The following LPIN3 variants were observed in gnomAD, a reference collection of about 807,000 sequenced individuals.
LPIN3 encodes lipin 3, also known as phosphatidate phosphatase LPIN3.
A neutral mutation model predicts 94.7 loss-of-function variants in LPIN3; 82 were observed. The observed-to-expected ratio is 0.87, with a 90% CI of 0.72 to 1.04. LPIN3 has a LOEUF of 1.04. LPIN3 is among the 50% of genes least tolerant of loss of function. The pLI, the probability that LPIN3 is intolerant of heterozygous loss-of-function variation, is 0.00. For synonymous variants in LPIN3, 418 were observed against 443.3 expected, an observed-to-expected ratio of 0.94 and a Z score of 0.72; for missense variants, 996 against 1,090.5, an observed-to-expected ratio of 0.91 and a Z score of 1.22.
At chr20:41,357,316 G>A in intron 15 of LPIN3, 45 bp from the exon 16 acceptor site, 1 of 1,605,972 alleles carries the variant, frequency 6.2e-7, no homozygotes. Context: ...CTGGAGCTGG[G>A]CCACGTGGAG....
rs1341571507 is a variant in LPIN3 at position 41,352,834 on chromosome 20, C to T, written c.1494C>T (p.Leu498=). ...GGGCTGTGGCTGCCCCCATGATCCT[C>T]TCCCTGCAAGCCTTCCAGAAAAACT... The part of the protein sequence containing the change: ...YNWAVAAPMI[L]SLQAFQKNLP... The change falls in exon 11 of 20, where the codon CTC becomes CTT. Residue 498 remains leucine, a synonymous_variant. Transcript: ENST00000373257. 1.2e-6 allele frequency: 2 copies of T among 1,614,246 alleles called. No individual in the cohort carries two copies. The highest frequency in any genetic ancestry group is 1.7e-6 in the Non-Finnish European group (2 of 1,180,048).
chr20:41,345,975 C>T lies in LPIN3; in HGVS notation c.172C>T (p.Leu58=), dbSNP rs1568990740. The change falls in exon 2 of 20, where the codon CTG becomes TTG. Residue 58 remains leucine (L), a synonymous_variant. Transcript: ENST00000373257. The part of the protein sequence containing the change: ...FHVRFGKLGV[L]RSREKVVDIE... ...CGTGCGTTTTGGCAAGCTGGGCGTC[C>T]TGCGGTCGCGGGAGAAGGTGGTGAG... is the stretch of plus-strand genomic sequence containing the variant. The T allele has an allele frequency of 6.2e-7, 1 of 1,613,776 alleles. No homozygotes were observed.
At chr20:41,349,271 T>A (rs2045910487) in intron 5 of LPIN3, 99 bp downstream of exon 5, 1 of 992,950 alleles carries the variant, frequency 1.0e-6, no homozygotes. Flanking sequence ...ACCCATTTAA[T>A]GTGTTTACTA....
intron 7 of LPIN3, among the ~76,000 whole-genome samples, chr20:41,350,966 G>A (rs1156668775): frequency 2.6e-5 from 4 of 152,046 alleles, no homozygotes; most frequent in Non-Finnish European, 4.4e-5. Flanking sequence ...TCAAATTAGG[G>A]ACAGCATGGT....
rs1375376129 is a variant in LPIN3, at chr20:41,359,321, A to AGAT, written c.*457_*459dup. On this transcript the variant is annotated 3_prime_UTR_variant, in exon 20 of 20. Transcript: ENST00000373257. ...TGGCTAATTTTCGTGTTTTTAGTAG[A>AGAT]GATGGGTTTTCACCACATTGGCCAG... 6.6e-6 allele frequency: 1 copy of AGAT among 151,900 alleles called. No individual in the cohort carries two copies. The highest frequency in any genetic ancestry group is 1.5e-5 in the Non-Finnish European group (1 of 68,200). 9.4% of individuals were successfully genotyped at this position (151,900 alleles called of 1,614,324 possible).
At position 41,350,383 on chromosome 20, in the gene LPIN3, T is replaced by C; in HGVS notation, c.1088T>C (p.Val363Ala). Residue 363 changes from valine (V) to alanine (A), a missense_variant, in exon 7 of 20, where the codon GTC becomes GCC. Val to Ala is a moderately conservative substitution (Grantham distance 64, BLOSUM62 0). Transcript: ENST00000373257. ...GTTCCCACCGGGCAGCCAGAGAGGG[T>C]CTCCAGGGGGAAAGGTGAGTGACGC... ...VPVPTGQPERVSRGKGSPKRS... is the reference protein window; with the variant it reads ...VPVPTGQPERASRGKGSPKRS... The C allele has an allele frequency of 6.4e-7, 1 of 1,569,142 alleles. No individual in the cohort carries two copies. Among genetic ancestry groups the C allele is most frequent in the Non-Finnish European group, 8.7e-7 (1 of 1,152,726 alleles).
rs2046286469 is a variant in LPIN3 at position 41,358,268 on chromosome 20, A to G, written c.2224A>G (p.Lys742Glu). 1.9e-6 allele frequency: 3 copies of G among 1,613,948 alleles called. No homozygotes were observed. In the South Asian group the frequency reaches 3.3e-5, roughly 18 times the overall value. ...GATCGAGAAGAAACCAGAGGTGTTC[A>G]AGGTCGCCTGCCTGAGTGACATCCA... ...EVIEKKPEVFKVACLSDIQQL... is the reference protein window; with the variant it reads ...EVIEKKPEVFEVACLSDIQQL... Residue 742 changes from lysine to glutamate, a missense_variant, in exon 18 of 20, where the codon AAG becomes GAG. Physicochemically the swap from Lys to Glu is moderately conservative, Grantham distance 56 (BLOSUM62 1). Transcript: ENST00000373257.
chr20:41,345,675 C>T (rs955810310), intron 1 of LPIN3, 121 bp from the exon 2 acceptor site: 4 of 1,043,118 alleles, frequency 3.8e-6, no homozygotes, highest in African/African-American at 3.2e-5. Context: ...GCCATCTGTG[C>T]AAAGGCACTC....
At chr20:41,353,950 G>A (rs1290470420) in intron 11 of LPIN3, among the ~76,000 whole-genome samples, 2 of 152,102 alleles carry the variant, frequency 1.3e-5, no homozygotes, top group African/African-American at 4.8e-5. Context: ...ACCGCTTGAG[G>A]CCCCTGAGAG....
At chr20:41,347,779 G>A in intron 3 of LPIN3, 132 bp downstream of exon 3, 1 of 740,382 alleles carries the variant, frequency 1.4e-6, no homozygotes, top group Non-Finnish European at 2.2e-6. Context: ...CTGAGGCAGG[G>A]GTATCAGTTG....
At chr20:41,351,694 C>T (rs2046020051) in intron 7 of LPIN3, 127 bp from the exon 8 acceptor site, 1 of 740,088 alleles carries the variant, frequency 1.4e-6, no homozygotes, top group African/African-American at 1.8e-5. Context: ...AGACATGGGA[C>T]ATTTGTATCA....
intron 5 of LPIN3, 92 bp downstream of exon 5, chr20:41,349,264 C>T (rs2045910149): frequency 3.2e-5 from 35 of 1,078,276 alleles, no homozygotes; most frequent in Non-Finnish European, 4.6e-5. Flanking sequence ...ACACAGGACC[C>T]ATTTAATGTG....
chr20:41,356,076 G>A (rs1255166122), intron 14 of LPIN3, 42 bp downstream of exon 14: 2 of 1,603,116 alleles, frequency 1.2e-6, no homozygotes, highest in South Asian at 1.1e-5. Flanking sequence ...GAGGGGCTGA[G>A]CTAATTCTGT....
Position 41,354,849 on chromosome 20 carries a change from C to A in LPIN3, c.1650C>A (p.Ala550=). The change falls in exon 13 of 20, where the codon GCC becomes GCA. Residue 550 remains alanine (A), a synonymous_variant. Transcript: ENST00000373257. The stretch of plus-strand genomic sequence containing the variant: ...GTGCCCAGAAGGAGAAGACTGCAGC[C>A]AAGGAGCAGCAGGGGTGAGTGAGAC... ...ERSAQKEKTA[A]KEQQGEKTEV... 1 of 1,571,952 alleles carries A rather than the reference C, an allele frequency of 6.4e-7. No individual in the cohort carries two copies. The highest frequency in any genetic ancestry group is 8.6e-7 in the Non-Finnish European group (1 of 1,158,274).
intron 6 of LPIN3, 77 bp from the exon 7 acceptor site, chr20:41,349,978 C>G: frequency 6.4e-7 from 1 of 1,558,962 alleles, no homozygotes; most frequent in East Asian, 2.3e-5. Flanking sequence ...GACTGAAACT[C>G]GGGCCACTGC....
At chr20:41,358,670 G>T in intron 19 of LPIN3, 52 bp from the exon 20 acceptor site, 1 of 1,607,524 alleles carries the variant, frequency 6.2e-7, no homozygotes, top group South Asian at 1.1e-5. Context: ...CATGGCCAAG[G>T]CCATCGTTTG....
In LPIN3 at chr20:41,350,924, A is replaced by G. The variant is rs879500485; in HGVS notation, c.1102+527A>G. Among the ~76,000 whole-genome samples the G allele has an allele frequency of 2.0e-5, 3 of 152,210 alleles. No homozygotes were observed. In the East Asian group the frequency reaches 5.8e-4, roughly 29 times the overall value. On this transcript the variant is annotated intron_variant, in intron 7 of 19. Transcript: ENST00000373257. ...GCACGAGACCTGTGCTGTCCAAATCAGTAGCCACTGGCTATATGTGGCTAT... is the reference window on the plus strand; with the variant it reads ...GCACGAGACCTGTGCTGTCCAAATCGGTAGCCACTGGCTATATGTGGCTAT...
chr20:41,351,550 C>T (rs981374120), intron 7 of LPIN3, among the ~76,000 whole-genome samples: 8 of 152,120 alleles, frequency 5.3e-5, no homozygotes, highest in Non-Finnish European at 1.2e-4. Flanking sequence ...CCGCCTCAGC[C>T]TCCCAAAGTG....
intron 3 of LPIN3, among the ~76,000 whole-genome samples, chr20:41,348,161 A>G (rs1485621527): frequency 6.6e-6 from 1 of 152,200 alleles, no homozygotes; most frequent in Non-Finnish European, 1.5e-5. Flanking sequence ...ACACTGTGCA[A>G]CAGACTCAGA....
Sources: allele counts gnomAD v4.1 joint callset (sites outside exome capture counted in the v4.1 genomes callset), GRCh38; gene constraint gnomAD v4.1.1; transcripts MANE v1.5; gene names NCBI Gene and HGNC (gene_info 2026-07-23, HGNC 2026-07-21).